The following RBFOX1 variants were observed in gnomAD, a reference collection of about 807,000 sequenced individuals.
RBFOX1 encodes RNA binding protein fox-1 homolog 1.
Under a neutral mutation model 57.7 loss-of-function variants are expected in RBFOX1, and 8 were observed. That is an observed-to-expected ratio of 0.14 (90% CI 0.08 to 0.25). The LOEUF is 0.25. Among genes scored for constraint, RBFOX1 ranks in the 10% least tolerant of loss-of-function variants. RBFOX1 has a pLI of 1.00. For synonymous variants in RBFOX1, 326 were observed against 222.4 expected (o/e 1.47, Z -4.15); for missense variants, 611 against 548.5 (o/e 1.11, Z -1.14).
intron 4 of RBFOX1, among the ~76,000 whole-genome samples, chr16:7,137,409 G>A (rs879798432): frequency 1.3e-5 from 2 of 152,160 alleles, no homozygotes; most frequent in Non-Finnish European, 2.9e-5. Flanking sequence ...TCTCGTGGTA[G>A]CGAGTAAGTC....
chr16:7,006,233 C>T (rs1232991313), intron 3 of RBFOX1, among the ~76,000 whole-genome samples: 1 of 152,120 alleles, frequency 6.6e-6, no homozygotes, highest in Non-Finnish European at 1.5e-5. Flanking sequence ...CGGTTCACTG[C>T]ATCCTCTGCC....
chr16:5,642,583 A>T (rs941180298), intron 3 of RBFOX1, among the ~76,000 whole-genome samples: 1 of 152,128 alleles, frequency 6.6e-6, no homozygotes, highest in Non-Finnish European at 1.5e-5. Flanking sequence ...GTGATTGGAG[A>T]TTGTGCAAAC....
At chr16:6,920,624 T>A (rs1431199124) in intron 3 of RBFOX1, among the ~76,000 whole-genome samples, 2 of 152,172 alleles carry the variant, frequency 1.3e-5, no homozygotes, top group African/African-American at 4.8e-5. Context: ...AGATATTAGC[T>A]CCTTCTGGAA....
chr16:6,502,577 A>C (rs1483649779), intron 2 of RBFOX1, among the ~76,000 whole-genome samples: 1 of 152,164 alleles, frequency 6.6e-6, no homozygotes, highest in Non-Finnish European at 1.5e-5. Context: ...GTAATTATTA[A>C]CTACTATGAG....
intron 4 of RBFOX1, among the ~76,000 whole-genome samples, chr16:7,057,587 C>T (rs1338914029): frequency 1.3e-5 from 2 of 152,198 alleles, no homozygotes; most frequent in South Asian, 2.1e-4. Context: ...TAGTCTGGAT[C>T]AGTTGTTCAC....
downstream of RBFOX1, among the ~76,000 whole-genome samples, chr16:5,601,978 C>G (rs776095324): frequency 5.3e-5 from 8 of 152,202 alleles, no homozygotes; most frequent in Non-Finnish European, 8.8e-5. Flanking sequence ...TGGTATCCTG[C>G]TGGTTTCTCC....
At chr16:7,526,557 A>G (rs572534206) in intron 5 of RBFOX1, among the ~76,000 whole-genome samples, 5 of 152,228 alleles carry the variant, frequency 3.3e-5, no homozygotes, top group African/African-American at 9.6e-5. Flanking sequence ...ACAGAACAAC[A>G]GAGTTCTTTT....
intron 4 of RBFOX1, among the ~76,000 whole-genome samples, chr16:7,171,148 C>T (rs556601003): frequency 2.0e-5 from 3 of 152,330 alleles, no homozygotes; most frequent in African/African-American, 7.2e-5. Context: ...GCCTTACTTG[C>T]CACCATTGCC....
At chr16:6,953,008 C>T (rs1418300952) in intron 3 of RBFOX1, among the ~76,000 whole-genome samples, 1 of 152,072 alleles carries the variant, frequency 6.6e-6, no homozygotes, top group Non-Finnish European at 1.5e-5. Flanking sequence ...TTGAACTATA[C>T]ATCTTTACCT....
intron 4 of RBFOX1, among the ~76,000 whole-genome samples, chr16:7,197,919 G>A (rs1038543411): frequency 6.6e-6 from 1 of 150,868 alleles, no homozygotes; most frequent in Non-Finnish European, 1.5e-5. Context: ...GGAATTGGGA[G>A]TGTAACTGAA....
chr16:5,779,720 A>G (rs1251958625), intron 3 of RBFOX1, among the ~76,000 whole-genome samples: 1 of 152,090 alleles, frequency 6.6e-6, no homozygotes, highest in East Asian at 1.9e-4. Flanking sequence ...GAATGATGGG[A>G]TTGTATTGCC....
chr16:7,231,800 C>G (rs1270929387), intron 4 of RBFOX1, among the ~76,000 whole-genome samples: 1 of 152,142 alleles, frequency 6.6e-6, no homozygotes, highest in African/African-American at 2.4e-5. Context: ...AACCCAGAAT[C>G]AAAAGACCAC....
At chr16:7,335,447 T>C (rs562182839) in intron 4 of RBFOX1, among the ~76,000 whole-genome samples, 12 of 152,326 alleles carry the variant, frequency 7.9e-5, no homozygotes, top group African/African-American at 2.9e-4. Context: ...AGGATTGTTG[T>C]ATTATAGTTG....
chr16:5,356,905 T>C (rs555711690), intron 1 of RBFOX1, among the ~76,000 whole-genome samples: 1 of 152,346 alleles, frequency 6.6e-6, no homozygotes, highest in Non-Finnish European at 1.5e-5. Flanking sequence ...GGGTGCTTGC[T>C]TTGTTACCTG....
chr16:5,642,718 A>G (rs148534201), intron 3 of RBFOX1, among the ~76,000 whole-genome samples: 78 of 151,938 alleles, frequency 5.1e-4, no homozygotes, highest in African/African-American at 1.8e-3. Flanking sequence ...GAGGGGGAGG[A>G]CTCATGTGCT....
At chr16:5,305,519 A>G (rs572140528) in intron 1 of RBFOX1, among the ~76,000 whole-genome samples, 47 of 152,302 alleles carry the variant, frequency 3.1e-4, no homozygotes, top group African/African-American at 1.0e-3. Context: ...TATTGATTAG[A>G]AAAACAAAGT....
chr16:5,514,215 T>C (rs1281977217), intron 2 of RBFOX1, among the ~76,000 whole-genome samples: 2 of 152,208 alleles, frequency 1.3e-5, no homozygotes, highest in Non-Finnish European at 2.9e-5. Flanking sequence ...CCCTCTCGTA[T>C]GTCTGAGGGT....
chr16:6,714,630 A>G (rs1228743232), intron 3 of RBFOX1, among the ~76,000 whole-genome samples: 1 of 152,126 alleles, frequency 6.6e-6, no homozygotes, highest in Non-Finnish European at 1.5e-5. Context: ...GCAGGTATTG[A>G]AGATGAACAT....
chr16:6,133,276 A>G (rs578078780), intron 1 of RBFOX1, among the ~76,000 whole-genome samples: 4 of 152,288 alleles, frequency 2.6e-5, no homozygotes, highest in African/African-American at 7.2e-5. Context: ...TGATTGTGCT[A>G]TCTTCCTCGC....
Sources: allele counts gnomAD v4.1 joint callset (sites outside exome capture counted in the v4.1 genomes callset), GRCh38; gene constraint gnomAD v4.1.1; transcripts MANE v1.5; gene names NCBI Gene and HGNC (gene_info 2026-07-23, HGNC 2026-07-21).